The following NLRP5 variants were observed in gnomAD, a reference collection of about 807,000 sequenced individuals.
NLRP5 encodes the protein NACHT, LRR and PYD domains-containing protein 5.
NLRP5 carries 93 observed loss-of-function variants against 113.1 expected under a neutral mutation model. The observed-to-expected ratio is 0.82, with a 90% CI of 0.70 to 0.98. The LOEUF is 0.98. NLRP5 is among the 50% of genes least tolerant of loss of function. NLRP5 has a pLI of 0.00. For missense variants in NLRP5, 1,808 were observed against 1,514.3 expected (o/e 1.19, Z -3.22); for synonymous variants, 751 against 600.7 (o/e 1.25, Z -3.66).
intron 11 of NLRP5, among the ~76,000 whole-genome samples, chr19:56,045,941 A>G (rs1983707069): frequency 6.6e-6 from 1 of 152,194 alleles, no homozygotes; most frequent in Non-Finnish European, 1.5e-5. Context: ...TTCTGGCTCC[A>G]AGAGGCCTTC....
intron 2 of NLRP5, among the ~76,000 whole-genome samples, chr19:56,005,652 G>C (rs568541176): frequency 6.6e-6 from 1 of 151,066 alleles, no homozygotes; most frequent in South Asian, 2.1e-4. Context: ...ACGCGCGCAG[G>C]TGGCATGCCT....
chr19:56,060,660 G>A (rs1031022334), intron 14 of NLRP5, among the ~76,000 whole-genome samples: 34 of 152,104 alleles, frequency 2.2e-4, no homozygotes, highest in African/African-American at 7.2e-4. Flanking sequence ...AGGACTGTTA[G>A]GACTGTTGTA....
intron 11 of NLRP5, among the ~76,000 whole-genome samples, chr19:56,046,399 C>CGTGTGTGTGTGTGTGT (rs139653516): frequency 0.062 from 9,213 of 148,062 alleles, 358 homozygotes; most frequent in Non-Finnish European, 0.085. Context: ...TTTGTAGTTT[C>CGTGTGTGTGTGTGTGT]GTGTGTGTGT....
chr19:56,004,953 G>A (rs969530849), intron 2 of NLRP5, among the ~76,000 whole-genome samples: 6 of 151,660 alleles, frequency 4.0e-5, no homozygotes, highest in African/African-American at 1.5e-4. Flanking sequence ...AATTAGCCAG[G>A]CGTCATGGCA....
At chr19:56,039,996 T>G (rs992004515) in intron 10 of NLRP5, among the ~76,000 whole-genome samples, 11 of 152,136 alleles carry the variant, frequency 7.2e-5, no homozygotes, top group African/African-American at 2.7e-4. Flanking sequence ...TGCTCACTGT[T>G]CTGGAGTACA....
chr19:56,056,628 G>C (rs1476282417), intron 13 of NLRP5, among the ~76,000 whole-genome samples: 1 of 152,112 alleles, frequency 6.6e-6, no homozygotes, highest in African/African-American at 2.4e-5. Context: ...CTCCACGATG[G>C]GAATCCCACA....
intron 3 of NLRP5, among the ~76,000 whole-genome samples, chr19:56,009,803 A>G (rs1222705108): frequency 6.6e-6 from 1 of 152,190 alleles, no homozygotes; most frequent in East Asian, 1.9e-4. Context: ...GGTTGAAGCC[A>G]ACCTCGTTTT....
In NLRP5 at chr19:56,050,496, C is replaced by G; in HGVS notation, c.3036C>G (p.His1012Gln). The G allele has an allele frequency of 6.2e-7, 1 of 1,613,862 alleles. No individual in the cohort carries two copies. The highest frequency in any genetic ancestry group is 8.5e-7 in the Non-Finnish European group (1 of 1,179,862). Reference sequence around the variant, plus strand: ...TTATGGGTAACTCATGGCTGACGCACCTGAGCCTTAGCATGAACCCTGTGG... The same window carrying G: ...TTATGGGTAACTCATGGCTGACGCAGCTGAGCCTTAGCATGAACCCTGTGG... The change falls in exon 12 of 15, where the codon CAC (histidine) becomes CAG (glutamine). Residue 1012 changes from histidine (H) to glutamine (Q), a missense_variant. By Grantham distance (24) the His-to-Gln change is conservative (BLOSUM62 0). Transcript: ENST00000390649.
intron 10 of NLRP5, among the ~76,000 whole-genome samples, chr19:56,039,686 C>G (rs567697585): frequency 2.0e-5 from 3 of 152,138 alleles, no homozygotes; most frequent in Non-Finnish European, 4.4e-5. Context: ...CCGAGGCGGG[C>G]GGATCACCTG....
rs1306835080 is a variant in NLRP5 at position 56,028,087 on chromosome 19, C to T, written c.1854C>T (p.Ser618=). 6.2e-7 allele frequency: 1 copy of T among 1,614,008 alleles called. No individual in the cohort carries two copies. The highest frequency in any genetic ancestry group is 8.5e-7 in the Non-Finnish European group (1 of 1,179,898). ...TGTACGTTGAGAAGACAAAGAGGTC[C>T]ATGGAGCTTAAACAGGCAGGCTTCC... Residue 618 remains serine (S), a synonymous_variant, in exon 7 of 15, where the codon TCC becomes TCT. Coordinates refer to ENST00000390649, the MANE Select transcript of NLRP5 (RefSeq NM_153447.4).
At chr19:56,030,032 G>A (rs1365741677) in intron 7 of NLRP5, among the ~76,000 whole-genome samples, 2 of 151,586 alleles carry the variant, frequency 1.3e-5, no homozygotes, top group East Asian at 1.9e-4. Context: ...TCCAGCCTGG[G>A]CAACAGAGTG....
chr19:56,044,816 TATTG>T (rs1040070560), intron 11 of NLRP5, among the ~76,000 whole-genome samples: 2 of 152,224 alleles, frequency 1.3e-5, no homozygotes, highest in Admixed American at 6.6e-5. Context: ...ATTTTCACAA[TATTG>T]ATTCTACCCA....
At chr19:56,008,736 G>T in intron 2 of NLRP5, 52 bp from the exon 3 acceptor site, 1 of 1,489,800 alleles carries the variant, frequency 6.7e-7, no homozygotes, top group Non-Finnish European at 9.2e-7. Flanking sequence ...CTTGGCTTGG[G>T]TAATTACAGT....
rs768814118 is a variant in NLRP5 at position 56,040,977 on chromosome 19, G to A, written c.2842G>A (p.Val948Ile). The A allele has an allele frequency of 1.5e-5, 24 of 1,613,980 alleles. No individual in the cohort carries two copies. The highest frequency in any genetic ancestry group is 1.9e-5 in the Non-Finnish European group (23 of 1,179,868). The change falls in exon 11 of 15, where the codon GTC (valine) becomes ATC (isoleucine). Residue 948 changes from valine to isoleucine, a missense_variant. By Grantham distance (29) the Val-to-Ile change is conservative. Transcript: ENST00000390649. ...TTGCCAGAGTCTGGCCTCAGCCCTC[G>A]TCAGCAACCGGAGCTTGACACACCT...
At chr19:55,990,654 G>A in the NLRP5 span, among the ~76,000 whole-genome samples, 2 of 151,872 alleles carry the variant, frequency 1.3e-5, no homozygotes, top group South Asian at 2.1e-4. Context: ...GTGAAACCCC[G>A]TCTCTACTAA....
intron 9 of NLRP5, among the ~76,000 whole-genome samples, chr19:56,037,642 A>G (rs1216205383): frequency 1.3e-5 from 2 of 150,226 alleles, no homozygotes; most frequent in Non-Finnish European, 3.0e-5. Flanking sequence ...GCAGTGAGCC[A>G]AGATTGCGCC....
intron 13 of NLRP5, among the ~76,000 whole-genome samples, chr19:56,056,880 C>T (rs1246073244): frequency 6.6e-6 from 1 of 152,164 alleles, no homozygotes; most frequent in African/African-American, 2.4e-5. Context: ...TGGTGCACGC[C>T]TGTAATCCCA....
intron 13 of NLRP5, among the ~76,000 whole-genome samples, chr19:56,054,920 C>A (rs926226070): frequency 6.6e-6 from 1 of 151,536 alleles, no homozygotes; most frequent in African/African-American, 2.4e-5. Context: ...CTGCTTATAA[C>A]CCTCCATGGC....
intron 6 of NLRP5, among the ~76,000 whole-genome samples, chr19:56,024,715 G>A (rs1045506724): frequency 6.6e-6 from 1 of 151,250 alleles, no homozygotes; most frequent in East Asian, 1.9e-4. Flanking sequence ...CCAAGATCAC[G>A]CTGCTGCACT....
Sources: gnomAD v4.1 joint callset for allele counts (sites outside exome capture counted in the v4.1 genomes callset) on GRCh38, gnomAD v4.1.1 for gene constraint, MANE v1.5 for transcripts, NCBI Gene and HGNC (gene_info 2026-07-23, HGNC 2026-07-21) for gene names.